The following ANK3 variants were observed in gnomAD, a reference collection of about 807,000 sequenced individuals.
ANK3 encodes ankyrin-3.
ANK3 carries 57 observed loss-of-function variants against 370.9 expected under a neutral mutation model. The ratio of observed to expected loss-of-function variants is 0.15; its 90% confidence interval spans 0.12 to 0.19. ANK3 has a LOEUF of 0.19. Ranked by LOEUF, ANK3 falls within the 10% of genes least tolerant of loss-of-function variation. The pLI, the probability that ANK3 is intolerant of heterozygous loss-of-function variation, is 1.00. For missense variants in ANK3, 4,439 were observed against 5,302.1 expected, an observed-to-expected ratio of 0.84 and a Z score of 5.06; for synonymous variants, 1,929 against 1,946.3, an observed-to-expected ratio of 0.99 and a Z score of 0.23.
intron 25 of ANK3, among the ~76,000 whole-genome samples, chr10:60,114,763 T>C (rs1490006802): frequency 6.6e-6 from 1 of 152,234 alleles, no homozygotes; most frequent in Non-Finnish European, 1.5e-5. Context: ...CTAGTGCTTC[T>C]TCCAAGTAAG....
chr10:60,658,986 G>A (rs2078903072), intron 1 of ANK3, among the ~76,000 whole-genome samples: 1 of 151,562 alleles, frequency 6.6e-6, no homozygotes, highest in Non-Finnish European at 1.5e-5. Flanking sequence ...GGGACGGGAG[G>A]GGAGGATCTT....
intron 2 of ANK3, among the ~76,000 whole-genome samples, chr10:60,425,985 T>G (rs1253713233): frequency 2.6e-5 from 4 of 152,142 alleles, no homozygotes; most frequent in Non-Finnish European, 5.9e-5. Context: ...CCTATTTATA[T>G]CTCAGGTTTG....
intron 2 of ANK3, among the ~76,000 whole-genome samples, chr10:60,565,897 A>G (rs1034104885): frequency 3.3e-5 from 5 of 152,220 alleles, no homozygotes; most frequent in Admixed American, 6.5e-5. Flanking sequence ...TTGGTTTAAC[A>G]TACCAGCACG....
At chr10:60,724,649 A>T (rs1040548223) in intron 1 of ANK3, among the ~76,000 whole-genome samples, 1 of 152,252 alleles carries the variant, frequency 6.6e-6, no homozygotes, top group Non-Finnish European at 1.5e-5. Context: ...TCCAAAACGC[A>T]AAATTAACAA....
At chr10:60,632,760 C>T (rs2078501652) in intron 1 of ANK3, among the ~76,000 whole-genome samples, 1 of 152,022 alleles carries the variant, frequency 6.6e-6, no homozygotes, top group South Asian at 2.1e-4. Flanking sequence ...CACAGTGGCT[C>T]ATACCTATAG....
chr10:60,249,951 C>T (rs76667912), intron 7 of ANK3, among the ~76,000 whole-genome samples: 25,395 of 152,154 alleles, frequency 0.17, 2,259 homozygotes, highest in East Asian at 0.34. Context: ...GGGCCCAAGA[C>T]AAATGGGGGC....
In ANK3 at chr10:60,546,956, G is replaced by A. The variant is rs2076977069; in HGVS notation, c.96+68230C>T. 2.0e-5 allele frequency among the ~76,000 whole-genome samples: 3 copies of A among 152,120 alleles called. No individual in the cohort carries two copies. In the South Asian group the frequency reaches 6.2e-4, roughly 31 times the overall value. On this transcript the variant is annotated intron_variant, in intron 2 of 43. Coordinates refer to the ANK3 transcript ENST00000373827. ...AAAGCTAAAATGGAATCACAAAGAG[G>A]TAAAGTGATTTGTCCAAGATCACAC...
chr10:60,601,789 T>C (rs954140599), intron 2 of ANK3, among the ~76,000 whole-genome samples: 1 of 152,152 alleles, frequency 6.6e-6, no homozygotes, highest in Non-Finnish European at 1.5e-5. Context: ...ATGTTTACAA[T>C]AGGGGAAACT....
At chr10:60,613,098 A>G (rs952540679) in intron 2 of ANK3, among the ~76,000 whole-genome samples, 2 of 152,226 alleles carry the variant, frequency 1.3e-5, no homozygotes, top group African/African-American at 4.8e-5. Context: ...ATCTTGAGAT[A>G]TGACAGCCTA....
At chr10:60,501,705 CAAAAAA>C (rs376934079) in intron 2 of ANK3, among the ~76,000 whole-genome samples, 1 of 79,796 alleles carries the variant, frequency 1.3e-5, no homozygotes, top group Non-Finnish European at 2.5e-5. Context: ...GACTCTGTCT[CAAAAAA>C]AAAAAAAAAA....
rs558760974 is a variant in ANK3 at position 60,371,370 on chromosome 10, T to C, written c.114+18055A>G. On this transcript the variant is annotated intron_variant, in intron 1 of 43. Transcript: ENST00000280772. Reference sequence around the variant, plus strand: ...TAACAAGTCAAAAAATATCAGATGTTGGTGAGGCTGCACCTTATACATTTT... The same window carrying C: ...TAACAAGTCAAAAAATATCAGATGTCGGTGAGGCTGCACCTTATACATTTT... Among the ~76,000 whole-genome samples the C allele has an allele frequency of 2.6e-5, 4 of 152,266 alleles. No homozygotes were observed. The East Asian group carries it at 5.8e-4, about 22-fold the overall frequency.
chr10:60,642,144 G>C (rs2078642497), intron 1 of ANK3, among the ~76,000 whole-genome samples: 1 of 150,574 alleles, frequency 6.6e-6, no homozygotes, highest in African/African-American at 2.4e-5. Context: ...AGGTGCTGGA[G>C]AGGATGTGGA....
chr10:60,281,371 T>C (rs922118), intron 1 of ANK3, among the ~76,000 whole-genome samples: 39,588 of 152,136 alleles, frequency 0.26, 5,300 homozygotes, highest in South Asian at 0.31. Context: ...CCCCCATTTG[T>C]GATAACTAAA....
At chr10:60,127,730 G>A (rs1437641477) in intron 25 of ANK3, among the ~76,000 whole-genome samples, 3 of 132,000 alleles carry the variant, frequency 2.3e-5, no homozygotes, top group Non-Finnish European at 4.6e-5. Context: ...ACAGAGTCTC[G>A]CTCTGTCTCC....
chr10:60,282,615 C>T (rs1341623543), intron 1 of ANK3, among the ~76,000 whole-genome samples: 1 of 152,130 alleles, frequency 6.6e-6, no homozygotes, highest in East Asian at 1.9e-4. Flanking sequence ...AGAACTCCTG[C>T]TCTACTGATA....
chr10:60,232,447 C>T (rs962187816), intron 8 of ANK3, among the ~76,000 whole-genome samples: 13 of 152,090 alleles, frequency 8.5e-5, no homozygotes, highest in Admixed American at 2.0e-4. Context: ...AAATAGCCTG[C>T]GCTTTTTAAA....
At chr10:60,196,423 T>G (rs2096586221) in intron 15 of ANK3, 104 bp downstream of exon 15, 2 of 952,776 alleles carry the variant, frequency 2.1e-6, no homozygotes, top group Non-Finnish European at 3.2e-6. Context: ...CTAGTGGGAC[T>G]TAAATATTTA....
At chr10:60,380,408 G>T (rs1390538659) in intron 1 of ANK3, among the ~76,000 whole-genome samples, 7 of 152,142 alleles carry the variant, frequency 4.6e-5, no homozygotes, top group Non-Finnish European at 8.8e-5. Flanking sequence ...GTGAAGAGTG[G>T]TGGAAAAAGC....
intron 2 of ANK3, among the ~76,000 whole-genome samples, chr10:60,497,635 G>C (rs59084106): frequency 1.3e-5 from 2 of 152,184 alleles, no homozygotes; most frequent in South Asian, 4.1e-4. Flanking sequence ...AAGGAACAAA[G>C]AGAAGCATTC....
Sources: allele counts gnomAD v4.1 joint callset (sites outside exome capture counted in the v4.1 genomes callset), GRCh38; gene constraint gnomAD v4.1.1; transcripts MANE v1.5; gene names NCBI Gene and HGNC (gene_info 2026-07-23, HGNC 2026-07-21).